Variants in NELL1 observed in about 807,000 individuals in gnomAD.
NELL1 encodes neural EGFL like 1, also known as protein kinase C-binding protein NELL1.
Under a neutral mutation model 107.4 loss-of-function variants are expected in NELL1, and 76 were observed. That is an observed-to-expected ratio of 0.71 (90% confidence interval 0.59 to 0.86). NELL1 has a LOEUF of 0.86. Among genes scored for constraint, NELL1 ranks in the 40% least tolerant of loss-of-function variants. The probability of loss-of-function intolerance (pLI) is 0.00; values close to 1 mark genes in which losing one functional copy is unlikely to be tolerated. For missense variants in NELL1, 1,024 were observed against 1,005.5 expected, an observed-to-expected ratio of 1.02 and a Z score of -0.25; for synonymous variants, 353 against 341.2, an observed-to-expected ratio of 1.03 and a Z score of -0.38.
At chr11:21,487,942 A>G (rs917595091) in intron 15 of NELL1, among the ~76,000 whole-genome samples, 2 of 152,222 alleles carry the variant, frequency 1.3e-5, no homozygotes, top group East Asian at 3.8e-4. Flanking sequence ...AGAGAATATC[A>G]TTACATAATG....
intron 9 of NELL1, among the ~76,000 whole-genome samples, chr11:20,930,399 T>G (rs1385886609): frequency 6.6e-6 from 1 of 152,324 alleles, no homozygotes; most frequent in Admixed American, 6.5e-5. Context: ...TTTTAAAAAC[T>G]TCTGCATAAA....
At chr11:20,700,217 A>C (rs113472414) in intron 2 of NELL1, among the ~76,000 whole-genome samples, 94 of 152,324 alleles carry the variant, frequency 6.2e-4, no homozygotes, top group African/African-American at 2.2e-3. Flanking sequence ...GCAGTGTCTC[A>C]TGTCTGTAAT....
chr11:21,297,014 G>A (rs1056466887), intron 14 of NELL1, among the ~76,000 whole-genome samples: 1 of 150,486 alleles, frequency 6.6e-6, no homozygotes, highest in African/African-American at 2.4e-5. Context: ...TCATTCTTTA[G>A]ATGTTGTCAT....
chr11:21,069,984 A>G (rs974194156), intron 12 of NELL1, among the ~76,000 whole-genome samples: 1 of 152,344 alleles, frequency 6.6e-6, no homozygotes, highest in Non-Finnish European at 1.5e-5. Context: ...TTTCAAATAG[A>G]TAGACGCTCA....
intron 13 of NELL1, among the ~76,000 whole-genome samples, chr11:21,125,500 G>A (rs1855467002): frequency 6.6e-6 from 1 of 152,172 alleles, no homozygotes; most frequent in African/African-American, 2.4e-5. Flanking sequence ...GATTCTGTAA[G>A]ATATGGTTTC....
intron 15 of NELL1, among the ~76,000 whole-genome samples, chr11:21,384,334 GC>G (rs1485846148): frequency 6.6e-6 from 1 of 151,760 alleles, no homozygotes; most frequent in African/African-American, 2.4e-5. Flanking sequence ...GTTACTCTGG[GC>G]CCACCTGCCT....
intron 12 of NELL1, among the ~76,000 whole-genome samples, chr11:20,974,716 C>A (rs1408463239): frequency 6.6e-6 from 1 of 152,158 alleles, no homozygotes; most frequent in East Asian, 1.9e-4. Context: ...TTCTGGGCTG[C>A]TCTTCTGGAA....
chr11:21,109,139 C>T (rs1444824345), intron 12 of NELL1, among the ~76,000 whole-genome samples: 1 of 152,016 alleles, frequency 6.6e-6, no homozygotes, highest in Non-Finnish European at 1.5e-5. Context: ...AGATACCTAC[C>T]ACGAGGAGTC....
At chr11:21,440,316 T>G (rs80234751) in intron 15 of NELL1, among the ~76,000 whole-genome samples, 6 of 151,968 alleles carry the variant, frequency 3.9e-5, no homozygotes, top group Non-Finnish European at 7.4e-5. Context: ...TTTTTTTTTT[T>G]GATGACTTAG....
chr11:21,372,389 A>G (rs1565192688), intron 15 of NELL1, among the ~76,000 whole-genome samples: 3 of 152,086 alleles, frequency 2.0e-5, no homozygotes, highest in African/African-American at 4.8e-5. Context: ...AATGATGCCA[A>G]TAATCATGAA....
intron 13 of NELL1, among the ~76,000 whole-genome samples, chr11:21,182,454 A>G (rs1178492772): frequency 1.3e-5 from 2 of 149,832 alleles, no homozygotes; most frequent in Non-Finnish European, 3.0e-5. Flanking sequence ...AAAAAAAAAA[A>G]AGAAAGAAAA....
At chr11:21,233,400 C>T (rs1858116886) in intron 14 of NELL1, among the ~76,000 whole-genome samples, 1 of 152,056 alleles carries the variant, frequency 6.6e-6, no homozygotes, top group Non-Finnish European at 1.5e-5. Context: ...TCCTCCTTTT[C>T]TTTGTCCTCC....
intron 14 of NELL1, among the ~76,000 whole-genome samples, chr11:21,358,565 ATTTTTTTTTTTTTT>A (rs75578174): frequency 1.0e-5 from 1 of 97,682 alleles, no homozygotes; most frequent in African/African-American, 3.7e-5. Context: ...TGCCCTGATA[ATTTTTTTTTTTTTT>A]TTTTTTTTTG....
chr11:21,474,545 C>T (rs1854273285), intron 15 of NELL1, among the ~76,000 whole-genome samples: 2 of 152,120 alleles, frequency 1.3e-5, no homozygotes, highest in South Asian at 4.2e-4. Context: ...ATATTATATT[C>T]AAGAGAGGTT....
Position 21,113,611 on chromosome 11 carries a change from G to T in NELL1, c.1323G>T (p.Lys441Asn). The change falls in exon 13 of 20, where the codon AAG becomes AAT. Residue 441 changes from lysine to asparagine, a missense_variant. Transcript: ENST00000357134. ...CAGATATTGATGAGTGTGCAGCTAA[G>T]ATGCATTACTGTCATGCCAATACTG... ...YCEDIDECAA[K>N]MHYCHANTVC... is the part of the protein sequence containing the mutation. 6.2e-7 allele frequency: 1 copy of T among 1,611,898 alleles called. No individual in the cohort carries two copies. Among genetic ancestry groups the T allele is most frequent in the South Asian group, 1.1e-5 (1 of 90,964 alleles).
At chr11:20,725,342 C>G (rs1855485269) in intron 2 of NELL1, among the ~76,000 whole-genome samples, 1 of 152,142 alleles carries the variant, frequency 6.6e-6, no homozygotes, top group Non-Finnish European at 1.5e-5. Flanking sequence ...TTTCCTGTGT[C>G]AGTGGCATCA....
chr11:20,920,813 A>C (rs1429783), intron 7 of NELL1, among the ~76,000 whole-genome samples: 91,961 of 151,968 alleles, frequency 0.61, 33,670 homozygotes, highest in Non-Finnish European at 0.8. Context: ...AGAGAGCTCT[A>C]TTCTCAAAAC....
In NELL1 at chr11:21,568,869, C is replaced by CTTT. The variant is rs60723180; in HGVS notation, c.1981-1885_1981-1883dup. ...TTGCCTGAGGCTGTTTTAGTTATCT[C>CTTT]TTTTTTTTTTTTATAAGTAGGAAGA... On this transcript the variant is annotated intron_variant, in intron 17 of 19. Transcript: ENST00000357134. Among the ~76,000 whole-genome samples the CTTT allele has an allele frequency of 8.8e-5, 13 of 147,820 alleles. 1 individual carries two copies. Among genetic ancestry groups the CTTT allele is most frequent in the African/African-American group, 3.2e-4 (13 of 40,306 alleles).
intron 12 of NELL1, among the ~76,000 whole-genome samples, chr11:21,071,374 C>A (rs1053870244): frequency 2.0e-5 from 3 of 152,122 alleles, no homozygotes; most frequent in South Asian, 2.1e-4. Flanking sequence ...CAGTTGGCAA[C>A]ATGTCTGGCA....
Sources: gnomAD v4.1 joint callset for allele counts (sites outside exome capture counted in the v4.1 genomes callset) on GRCh38, gnomAD v4.1.1 for gene constraint, MANE v1.5 for transcripts, NCBI Gene and HGNC (gene_info 2026-07-23, HGNC 2026-07-21) for gene names.